CNTNAP2: variants seen among roughly 807,000 people sequenced by gnomAD.
The protein encoded by CNTNAP2 is contactin-associated protein-like 2.
CNTNAP2 carries 98 observed loss-of-function variants against 155.2 expected under a neutral mutation model. That is an observed-to-expected ratio of 0.63 (90% CI 0.54 to 0.75). The LOEUF (loss-of-function observed/expected upper bound fraction) is 0.75. Among genes scored for constraint, CNTNAP2 ranks in the 30% least tolerant of loss-of-function variants. The probability of loss-of-function intolerance (pLI) is 0.00; values close to 1 mark genes in which losing one functional copy is unlikely to be tolerated. For synonymous variants in CNTNAP2, 651 were observed against 631.2 expected (o/e 1.03, Z -0.47); for missense variants, 1,727 against 1,688.1 (o/e 1.02, Z -0.40).
rs138331064 is a variant in CNTNAP2, at chr7:147,192,521, G to A, written c.1348+60012G>A. Among the ~76,000 whole-genome samples the A allele has an allele frequency of 3.3e-5, 5 of 151,980 alleles. No individual in the cohort carries two copies. The South Asian group carries it at 1.0e-3, about 32-fold the overall frequency. Reference sequence around the variant, plus strand: ...CAAACCTACTGCATCACAAACTCTGGGGTACAGTCCAGTATTCTGTGTTTT... The same window carrying A: ...CAAACCTACTGCATCACAAACTCTGAGGTACAGTCCAGTATTCTGTGTTTT... On this transcript the variant is annotated intron_variant, in intron 8 of 23. Coordinates refer to ENST00000361727, the MANE Select transcript of CNTNAP2 (RefSeq NM_014141.6).
chr7:146,261,495 G>C (rs117375485), intron 1 of CNTNAP2, among the ~76,000 whole-genome samples: 199 of 151,786 alleles, frequency 1.3e-3, no homozygotes, highest in Middle Eastern at 3.4e-3. Flanking sequence ...AAAAATGAGA[G>C]GGAGGGCACA....
intron 14 of CNTNAP2, among the ~76,000 whole-genome samples, chr7:147,968,153 A>C: frequency 6.6e-6 from 1 of 152,250 alleles, no homozygotes; most frequent in East Asian, 1.9e-4. Flanking sequence ...AAGTTCCATG[A>C]AACAATATAT....
At chr7:147,766,190 A>C (rs1453803218) in intron 13 of CNTNAP2, among the ~76,000 whole-genome samples, 1 of 152,166 alleles carries the variant, frequency 6.6e-6, no homozygotes, top group Non-Finnish European at 1.5e-5. Flanking sequence ...TGAACTGTAC[A>C]CTTTAAATGA....
intron 1 of CNTNAP2, among the ~76,000 whole-genome samples, chr7:146,674,305 C>G (rs1482808848): frequency 6.6e-6 from 1 of 152,102 alleles, no homozygotes; most frequent in Non-Finnish European, 1.5e-5. Flanking sequence ...ATGTGTCAGA[C>G]ATTTTATAAG....
chr7:146,687,995 A>C (rs1299883901), intron 1 of CNTNAP2, among the ~76,000 whole-genome samples: 1 of 152,146 alleles, frequency 6.6e-6, no homozygotes, highest in Non-Finnish European at 1.5e-5. Flanking sequence ...ACAGCAAAGA[A>C]GGTGTAGGTG....
chr7:147,923,438 G>A (rs1430812155), intron 14 of CNTNAP2, among the ~76,000 whole-genome samples: 2 of 152,054 alleles, frequency 1.3e-5, no homozygotes, highest in African/African-American at 4.8e-5. Flanking sequence ...CATGCCCAGG[G>A]TTGCCTGCAA....
intron 8 of CNTNAP2, among the ~76,000 whole-genome samples, chr7:147,252,796 CCAATTACA>C (rs1221593107): frequency 6.6e-6 from 1 of 152,058 alleles, no homozygotes; most frequent in Non-Finnish European, 1.5e-5. Flanking sequence ...AAAAATCATC[CCAATTACA>C]CAATTACTCT....
intron 13 of CNTNAP2, among the ~76,000 whole-genome samples, chr7:147,651,708 T>C (rs1243014406): frequency 6.6e-6 from 1 of 152,206 alleles, no homozygotes; most frequent in African/African-American, 2.4e-5. Context: ...GAGAATCAAG[T>C]AGATCAACTC....
At chr7:146,307,560 C>T (rs958479466) in intron 1 of CNTNAP2, among the ~76,000 whole-genome samples, 1 of 152,112 alleles carries the variant, frequency 6.6e-6, no homozygotes, top group East Asian at 1.9e-4. Flanking sequence ...GGAGGCATCA[C>T]ACTACCTGAC....
At chr7:147,224,095 A>C (rs549719626) in intron 8 of CNTNAP2, among the ~76,000 whole-genome samples, 1 of 152,248 alleles carries the variant, frequency 6.6e-6, no homozygotes, top group East Asian at 1.9e-4. Flanking sequence ...GCATGTTGTG[A>C]TTCTCTGTAT....
intron 1 of CNTNAP2, among the ~76,000 whole-genome samples, chr7:146,441,885 T>C (rs1584927286): frequency 6.6e-6 from 1 of 151,650 alleles, no homozygotes. Context: ...GAGGGTAAAA[T>C]TGGAAAAGAT....
chr7:146,570,213 A>ATT (rs11312360), intron 1 of CNTNAP2, among the ~76,000 whole-genome samples: 6 of 150,546 alleles, frequency 4.0e-5, no homozygotes, highest in African/African-American at 1.2e-4. Context: ...GACACAGCCC[A>ATT]TTTTTTTTTT....
intron 11 of CNTNAP2, among the ~76,000 whole-genome samples, chr7:147,547,632 C>CAT (rs1562991093): frequency 2.1e-5 from 2 of 95,586 alleles, no homozygotes; most frequent in Non-Finnish European, 4.9e-5. Flanking sequence ...TTCTTCTAAA[C>CAT]ACACACACAC....
chr7:146,809,569 G>A, intron 2 of CNTNAP2, among the ~76,000 whole-genome samples: 1 of 151,758 alleles, frequency 6.6e-6, no homozygotes, highest in Non-Finnish European at 1.5e-5. Context: ...TTACCATGTT[G>A]GCCAGGCTGG....
intron 8 of CNTNAP2, among the ~76,000 whole-genome samples, chr7:147,143,779 T>G (rs1459213238): frequency 1.3e-5 from 2 of 152,180 alleles, no homozygotes; most frequent in African/African-American, 2.4e-5. Context: ...GAGATTTTTT[T>G]TAAAGATATT....
chr7:146,270,370 G>C (rs79885320), intron 1 of CNTNAP2, among the ~76,000 whole-genome samples: 6,186 of 152,182 alleles, frequency 0.041, 202 homozygotes, highest in African/African-American at 0.089. Flanking sequence ...AAGGGCAATT[G>C]AGTGGCCCTT....
chr7:147,010,776 T>A (rs1044686690), intron 3 of CNTNAP2, among the ~76,000 whole-genome samples: 3 of 152,070 alleles, frequency 2.0e-5, no homozygotes, highest in African/African-American at 7.2e-5. Context: ...AATATAGCAA[T>A]CATTGTAGTG....
chr7:147,629,274 G>T (rs1795041207), intron 12 of CNTNAP2, among the ~76,000 whole-genome samples: 1 of 151,870 alleles, frequency 6.6e-6, no homozygotes, highest in South Asian at 2.1e-4. Flanking sequence ...AACGTGATGG[G>T]TGCCTGTAAT....
intron 1 of CNTNAP2, among the ~76,000 whole-genome samples, chr7:146,659,116 G>T (rs2533089): frequency 0.7 from 106,153 of 151,848 alleles, 37,656 homozygotes; most frequent in South Asian, 0.83. Context: ...CAAACCTGAT[G>T]AAATACCGTT....
Sources: gnomAD v4.1 joint callset for allele counts (sites outside exome capture counted in the v4.1 genomes callset) on GRCh38, gnomAD v4.1.1 for gene constraint, MANE v1.5 for transcripts, NCBI Gene and HGNC (gene_info 2026-07-23, HGNC 2026-07-21) for gene names.